Variants in DDX50 observed in about 807,000 individuals in gnomAD.
The protein encoded by DDX50 is DExD-box helicase 50, also known as ATP-dependent RNA helicase DDX50.
DDX50 carries 56 observed loss-of-function variants against 94.8 expected under a neutral mutation model. That is an observed-to-expected ratio of 0.59 (90% CI 0.48 to 0.74). The LOEUF is 0.74. Ranked by LOEUF, DDX50 falls within the 30% of genes least tolerant of loss-of-function variation. The probability of loss-of-function intolerance (pLI) is 0.00; values close to 1 mark genes in which losing one functional copy is unlikely to be tolerated. For missense variants in DDX50, 713 were observed against 881.2 expected (o/e 0.81, Z 2.42); for synonymous variants, 264 against 295.4 (o/e 0.89, Z 1.09).
chr10:68,934,055 T>C lies in DDX50; in HGVS notation c.1240-144T>C. 2 of 664,382 alleles carry C rather than the reference T, an allele frequency of 3.0e-6. No individual in the cohort carries two copies. The highest frequency in any genetic ancestry group is 4.4e-6 in the Non-Finnish European group (2 of 454,742). The allele number at this position is 664,382 out of a possible 1,614,324, so 41.2% of individuals were successfully genotyped here. On this transcript the variant is annotated intron_variant, in intron 8 of 14. Transcript: ENST00000373585. The surrounding 1 kb of genome is among the most constrained non-coding windows in gnomAD (Gnocchi z 4.0). ...TAAATATTTTCTGTCATGTTTGACT[T>C]TTTTTTTTTACAGTAAGCATGCATT...
At position 68,946,575 on chromosome 10, in the gene DDX50, G is replaced by C; in HGVS notation, c.2159G>C (p.Arg720Pro). ...RSGSRQDGRR[R>P]SGNRNRSRSG... ...GGAAGTCGACAAGATGGTAGAAGACGAAGTGGGAATAGAAATCGATCAAGA... is the reference window on the plus strand; with the variant it reads ...GGAAGTCGACAAGATGGTAGAAGACCAAGTGGGAATAGAAATCGATCAAGA... The change falls in exon 15 of 15, where the codon CGA (arginine) becomes CCA (proline). Residue 720 changes from arginine to proline, a missense_variant. Coordinates refer to ENST00000373585, the MANE Select transcript of DDX50 (RefSeq NM_024045.2). 6.2e-7 allele frequency: 1 copy of C among 1,614,218 alleles called. No individual in the cohort carries two copies. The highest frequency in any genetic ancestry group is 8.5e-7 in the Non-Finnish European group (1 of 1,180,046).
chr10:68,927,659 A>T (rs1306884602), intron 8 of DDX50, among the ~76,000 whole-genome samples: 1 of 152,236 alleles, frequency 6.6e-6, no homozygotes, highest in Non-Finnish European at 1.5e-5. Flanking sequence ...AAATTAAAAA[A>T]ATATATATTT....
intron 1 of DDX50, among the ~76,000 whole-genome samples, chr10:68,903,755 C>T (rs36085789): frequency 6.6e-6 from 1 of 151,566 alleles, no homozygotes; most frequent in Non-Finnish European, 1.5e-5. Flanking sequence ...GAGCTGAAAT[C>T]GCACCACTGC....
chr10:68,935,944 TTA>T (rs1356750842), intron 10 of DDX50, 60 bp from the exon 11 acceptor site: 9 of 1,132,238 alleles, frequency 7.9e-6, no homozygotes, highest in Middle Eastern at 2.9e-4. Context: ...TATTAAAATA[TTA>T]ATTTAGGAAT....
chr10:68,928,630 C>A (rs1048168718), intron 8 of DDX50, among the ~76,000 whole-genome samples: 2 of 152,192 alleles, frequency 1.3e-5, no homozygotes, highest in Non-Finnish European at 2.9e-5. Context: ...TCTAATCACT[C>A]CTGTGGCTCC....
At chr10:68,941,642 A>T (rs1023577076) in intron 13 of DDX50, among the ~76,000 whole-genome samples, 6 of 150,522 alleles carry the variant, frequency 4.0e-5, no homozygotes, top group East Asian at 2.0e-4. Flanking sequence ...TATTATTATT[A>T]TTATTTTTAT....
intron 7 of DDX50, among the ~76,000 whole-genome samples, chr10:68,919,336 G>A (rs149925387): frequency 6.6e-6 from 1 of 152,090 alleles, no homozygotes; most frequent in Non-Finnish European, 1.5e-5. Flanking sequence ...GCCTATTTTT[G>A]AAAAATTCAT....
chr10:68,908,925 C>T (rs1332992443), intron 2 of DDX50, among the ~76,000 whole-genome samples: 1 of 152,172 alleles, frequency 6.6e-6, no homozygotes, highest in Non-Finnish European at 1.5e-5. Flanking sequence ...GGATTACAGA[C>T]ATAAACCACT....
At chr10:68,931,688 G>A (rs1248278056) in intron 8 of DDX50, among the ~76,000 whole-genome samples, 2 of 151,756 alleles carry the variant, frequency 1.3e-5, no homozygotes, top group Non-Finnish European at 2.9e-5. Context: ...GCCTCCCAAA[G>A]TGCTAGGATT....
At position 68,914,114 on chromosome 10, in the gene DDX50, A is replaced by G; in HGVS notation, c.999A>G (p.Val333=). Residue 333 remains valine (V), a synonymous_variant, in exon 7 of 15, where the codon GTA becomes GTG. Transcript: ENST00000373585. ...LLFSATCPQW[V]YKVAKKYMKS... is the part of the protein sequence containing the mutation. ...TTTCTGCAACTTGCCCACAGTGGGT[A>G]TACAAAGTTGCAAAAAAATACATGA... 1 of 1,612,316 alleles carries G rather than the reference A, an allele frequency of 6.2e-7. No individual in the cohort carries two copies. The highest frequency in any genetic ancestry group is 8.5e-7 in the Non-Finnish European group (1 of 1,179,484).
Position 68,911,082 on chromosome 10 carries a change from T to C in DDX50, c.475T>C (p.Tyr159His), listed in dbSNP as rs1841612656. The change falls in exon 4 of 15, where the codon TAT (tyrosine) becomes CAT (histidine). Residue 159 changes from tyrosine (Y) to histidine (H), a missense_variant. By Grantham distance (83) the Tyr-to-His change is moderately conservative. This residue lies in a region of DDX50 where 285 missense variants were observed against 278.9 expected (regional missense o/e 1.02). Transcript: ENST00000373585. Reference sequence around the variant, plus strand: ...TCATTTTACAGGTCGAGGGGTAACATATCTCTTTCCTATTCAAGTTAAGAC... The same window carrying C: ...TCATTTTACAGGTCGAGGGGTAACACATCTCTTTCCTATTCAAGTTAAGAC... ...IKLLKGRGVT[Y>H]LFPIQVKTFG... 1.3e-6 allele frequency: 2 copies of C among 1,551,942 alleles called. No individual in the cohort carries two copies. Among genetic ancestry groups the C allele is most frequent in the Non-Finnish European group, 1.7e-6 (2 of 1,153,984 alleles).
intron 8 of DDX50, among the ~76,000 whole-genome samples, chr10:68,932,567 T>G (rs1842300702): frequency 6.6e-6 from 1 of 152,180 alleles, no homozygotes. Flanking sequence ...GCCTGATCAT[T>G]GTTATGAACT....
intron 2 of DDX50, among the ~76,000 whole-genome samples, chr10:68,907,884 G>A (rs1433276857): frequency 1.3e-5 from 2 of 151,894 alleles, no homozygotes; most frequent in African/African-American, 4.8e-5. Flanking sequence ...TATTATAATA[G>A]GTTTAACAGT....
intron 8 of DDX50, among the ~76,000 whole-genome samples, chr10:68,929,280 CCTTCCTTCCTTCCTCTCTCT>C (rs1277903236): frequency 4.3e-5 from 4 of 93,012 alleles, no homozygotes; most frequent in African/African-American, 1.2e-4. Flanking sequence ...TTCCTTCCTT[CCTTCCTTCCTTCCTCTCTCT>C]CTCTCTCTCT....
chr10:68,918,336 G>A (rs1025246416), intron 7 of DDX50, among the ~76,000 whole-genome samples: 3 of 150,606 alleles, frequency 2.0e-5, no homozygotes, highest in African/African-American at 7.3e-5. Context: ...TACATTTACA[G>A]TATACAGCCA....
rs141063646 is a variant in DDX50, at chr10:68,902,952, TC to T, written c.87+1482del. 5.3e-3 allele frequency among the ~76,000 whole-genome samples: 801 copies of T among 152,356 alleles called. 4 individuals are homozygous for T. The highest frequency in any genetic ancestry group is 0.018 in the African/African-American group (764 of 41,586). ...AAAGTTCTTGAGGAAAGTGACCAAA[TC>T]TTTATCCATCCTTATGTTTCACTAT... On this transcript the variant is annotated intron_variant, in intron 1 of 14. Transcript: ENST00000373585.
At chr10:68,918,130 G>A (rs1841850038) in intron 7 of DDX50, among the ~76,000 whole-genome samples, 1 of 151,930 alleles carries the variant, frequency 6.6e-6, no homozygotes, top group Non-Finnish European at 1.5e-5. Flanking sequence ...TCACCACGTT[G>A]GCCAGGCTGG....
intron 2 of DDX50, among the ~76,000 whole-genome samples, chr10:68,909,316 A>G (rs567572147): frequency 3.7e-4 from 56 of 152,312 alleles, no homozygotes; most frequent in Middle Eastern, 3.4e-3. Flanking sequence ...TTTTTGTTCT[A>G]TGTGCACATT....
At chr10:68,936,511 A>C (rs1485354138) in intron 11 of DDX50, among the ~76,000 whole-genome samples, 1 of 34,032 alleles carries the variant, frequency 2.9e-5, no homozygotes, top group Non-Finnish European at 5.0e-5. Context: ...AAAAAAAAAA[A>C]AAAAATATAT....
Sources: gnomAD v4.1 joint callset for allele counts (sites outside exome capture counted in the v4.1 genomes callset) on GRCh38, gnomAD v4.1.1 for gene constraint, gnomAD v4.1.1 regional missense constraint, Gnocchi (gnomAD v3.1) non-coding constraint, MANE v1.5 for transcripts, NCBI Gene and HGNC (gene_info 2026-07-23, HGNC 2026-07-21) for gene names.